The following PPP1R13B variants were observed in gnomAD, a reference collection of about 807,000 sequenced individuals.
PPP1R13B encodes protein phosphatase 1 regulatory subunit 13B, also known as apoptosis-stimulating of p53 protein 1.
In PPP1R13B, 44 loss-of-function variants were observed where a neutral mutation model predicts 119.8. That is an observed-to-expected ratio of 0.37 (90% CI 0.29 to 0.47). The LOEUF (loss-of-function observed/expected upper bound fraction) is 0.47. Among genes scored for constraint, PPP1R13B ranks in the 20% least tolerant of loss-of-function variants. The pLI is 0.99. For synonymous variants in PPP1R13B, 542 were observed against 561.5 expected (o/e 0.97, Z 0.49); for missense variants, 1,227 against 1,413.5 (o/e 0.87, Z 2.12).
chr14:103,796,990 A>G (rs1396965329), intron 2 of PPP1R13B, among the ~76,000 whole-genome samples: 2 of 151,558 alleles, frequency 1.3e-5, no homozygotes, highest in African/African-American at 4.8e-5. Flanking sequence ...AACAGTTTGT[A>G]CATGAAAGTT....
intron 1 of PPP1R13B, among the ~76,000 whole-genome samples, chr14:103,842,388 C>T (rs559576534): frequency 4.6e-4 from 69 of 150,906 alleles, no homozygotes; most frequent in Middle Eastern, 3.4e-3. Flanking sequence ...CTGCAACCTC[C>T]GCCTCCCAGG....
chr14:103,815,952 C>T (rs537081909), intron 1 of PPP1R13B, among the ~76,000 whole-genome samples: 54 of 151,372 alleles, frequency 3.6e-4, no homozygotes, highest in African/African-American at 1.0e-3. Flanking sequence ...GGTGTGGTGA[C>T]GGGCACCTGC....
At chr14:103,778,721 T>G (rs755455131) in intron 4 of PPP1R13B, 24 bp downstream of exon 4, 3 of 1,597,484 alleles carry the variant, frequency 1.9e-6, no homozygotes, top group Middle Eastern at 3.3e-4. Flanking sequence ...TTTTTAAAAT[T>G]CAATTTAATT....
At chr14:103,767,434 A>G (rs1268977278) in intron 4 of PPP1R13B, among the ~76,000 whole-genome samples, 1 of 152,054 alleles carries the variant, frequency 6.6e-6, no homozygotes, top group African/African-American at 2.4e-5. Context: ...TTCCTTTGAA[A>G]GTCTCTGAGA....
intron 1 of PPP1R13B, among the ~76,000 whole-genome samples, chr14:103,805,388 T>G (rs1595798546): frequency 6.6e-6 from 1 of 151,664 alleles, no homozygotes; most frequent in Non-Finnish European, 1.5e-5. Context: ...CTGGGAAACA[T>G]AACAAAACCC....
chr14:103,840,049 C>G (rs2086867945), intron 1 of PPP1R13B: 1 of 152,114 alleles, frequency 6.6e-6, no homozygotes, highest in Non-Finnish European at 1.5e-5. Flanking sequence ...TCTTATTTTA[C>G]AAAATCCAGT....
intron 2 of PPP1R13B, among the ~76,000 whole-genome samples, chr14:103,786,331 T>C (rs959506670): frequency 6.6e-6 from 1 of 152,162 alleles, no homozygotes; most frequent in Admixed American, 6.5e-5. Flanking sequence ...TGTAAGCCAC[T>C]GTACCTGGCC....
At chr14:103,756,644 A>G (rs1000820574) in intron 5 of PPP1R13B, among the ~76,000 whole-genome samples, 2 of 152,190 alleles carry the variant, frequency 1.3e-5, no homozygotes, top group Admixed American at 1.3e-4. Context: ...GGCCCTGATC[A>G]GTGTTTTCAT....
intron 5 of PPP1R13B, among the ~76,000 whole-genome samples, chr14:103,754,750 G>T (rs886420693): frequency 5.3e-5 from 8 of 151,702 alleles, no homozygotes; most frequent in African/African-American, 1.5e-4. Context: ...AAGAGCTGCG[G>T]GATTTTTAAG....
At chr14:103,814,495 AAAGAT>A (rs1298966878) in intron 1 of PPP1R13B, among the ~76,000 whole-genome samples, 5 of 152,320 alleles carry the variant, frequency 3.3e-5, no homozygotes, top group South Asian at 2.1e-4. Context: ...TCAAAATAAA[AAAGAT>A]AAGGCAGTAA....
chr14:103,771,141 T>C (rs980889843), intron 4 of PPP1R13B, among the ~76,000 whole-genome samples: 1 of 152,122 alleles, frequency 6.6e-6, no homozygotes. Context: ...GCCCCCTAAC[T>C]ATCTGTAACC....
chr14:103,821,861 C>A (rs2086418517), intron 1 of PPP1R13B, among the ~76,000 whole-genome samples: 1 of 151,610 alleles, frequency 6.6e-6, no homozygotes, highest in African/African-American at 2.4e-5. Context: ...CCAACAAGAC[C>A]CTGGAAAATG....
rs35928276 is a variant in PPP1R13B, at chr14:103,820,652, A to ATT, written c.10-23136_10-23135dup. On this transcript the variant is annotated intron_variant, in intron 1 of 16. Coordinates refer to ENST00000202556, the MANE Select transcript of PPP1R13B (RefSeq NM_015316.3). ...TGGCACACATACCACCATGCCCAGG[A>ATT]TTTTTTTTTTTTTTTTTTTTTTTGT... Among the ~76,000 whole-genome samples the ATT allele has an allele frequency of 9.7e-3, 993 of 102,610 alleles. 29 individuals carry two copies. The highest frequency in any genetic ancestry group is 0.031 in the African/African-American group (755 of 24,024). The allele number at this position is 102,610 out of a possible 152,430, so 67.3% of individuals were successfully genotyped here. A position where few individuals can be genotyped will look rare whatever the true frequency, so the allele number is the denominator to read the frequency against.
intron 4 of PPP1R13B, among the ~76,000 whole-genome samples, chr14:103,766,846 C>A (rs1034287508): frequency 6.6e-6 from 1 of 152,128 alleles, no homozygotes; most frequent in African/African-American, 2.4e-5. Flanking sequence ...ACCTCATGAT[C>A]CGCCAGATCA....
chr14:103,829,056 A>C lies in PPP1R13B; in HGVS notation c.9+18243T>G, dbSNP rs565896118. Reference sequence around the variant, plus strand: ...TGTTAAATATACTGACTGCAAAAAAAGATAAAACCATGAAGTCTCCCCAGA... The same window carrying C: ...TGTTAAATATACTGACTGCAAAAAACGATAAAACCATGAAGTCTCCCCAGA... On this transcript the variant is annotated intron_variant, in intron 1 of 16. Transcript: ENST00000202556. Among the ~76,000 whole-genome samples the C allele has an allele frequency of 5.3e-5, 8 of 152,378 alleles. No homozygotes were observed. The South Asian group carries it at 1.4e-3, about 28-fold the overall frequency.
At chr14:103,848,570 G>C (rs944353830), upstream of PPP1R13B, 31 of 878,960 alleles carry the variant, frequency 3.5e-5, no homozygotes, top group Non-Finnish European at 3.7e-5. Flanking sequence ...ACGGGCATCA[G>C]AAGGCAAGGT....
At chr14:103,757,890 A>G in intron 4 of PPP1R13B, 139 bp from the exon 5 acceptor site, 1 of 567,618 alleles carries the variant, frequency 1.8e-6, no homozygotes, top group Non-Finnish European at 3.0e-6. Flanking sequence ...TTTTCTTGTA[A>G]GAACTTTTCC....
chr14:103,782,888 T>A (rs1233990994), intron 3 of PPP1R13B, among the ~76,000 whole-genome samples: 1 of 152,016 alleles, frequency 6.6e-6, no homozygotes, highest in Admixed American at 6.6e-5. Flanking sequence ...CACTGTAACC[T>A]CTGCCTCCCA....
chr14:103,815,192 A>G (rs1190997536), intron 1 of PPP1R13B, among the ~76,000 whole-genome samples: 4 of 152,222 alleles, frequency 2.6e-5, no homozygotes, highest in Non-Finnish European at 5.9e-5. Flanking sequence ...ATGTTCACAT[A>G]TTATATGATT....
Sources: allele counts gnomAD v4.1 joint callset (sites outside exome capture counted in the v4.1 genomes callset), GRCh38; gene constraint gnomAD v4.1.1; transcripts MANE v1.5; gene names NCBI Gene and HGNC (gene_info 2026-07-23, HGNC 2026-07-21).